The following HTT variants were observed in gnomAD, a reference collection of about 807,000 sequenced individuals.
HTT encodes huntingtin.
Under a neutral mutation model 362.3 loss-of-function variants are expected in HTT, and 104 were observed. The observed-to-expected ratio is 0.29, with a 90% CI of 0.24 to 0.34. HTT has a LOEUF of 0.34. Ranked by LOEUF, HTT falls within the 10% of genes least tolerant of loss-of-function variation. The pLI, the probability that HTT is intolerant of heterozygous loss-of-function variation, is 1.00. For synonymous variants in HTT, 1,577 were observed against 1,548.7 expected (o/e 1.02, Z -0.43); for missense variants, 3,301 against 3,928.6 (o/e 0.84, Z 4.27).
chr4:3,147,893 C>T (rs939491288), intron 25 of HTT, 112 bp from the exon 26 acceptor site: 1 of 768,168 alleles, frequency 1.3e-6, no homozygotes, highest in Non-Finnish European at 2.1e-6. Context: ...ATATCAGGCA[C>T]AGATGTCTGG....
chr4:3,215,294 G>T, intron 51 of HTT, 83 bp downstream of exon 51: 1 of 1,014,170 alleles, frequency 9.9e-7, no homozygotes. Flanking sequence ...ACCGCGGTGA[G>T]TGTGGACTCC....
chr4:3,176,436 C>T (rs1034333266), intron 33 of HTT, among the ~76,000 whole-genome samples: 1 of 152,158 alleles, frequency 6.6e-6, no homozygotes, highest in Non-Finnish European at 1.5e-5. Context: ...CTAAATGGGC[C>T]ATTGCTCTCC....
chr4:3,161,843 T>C (rs1323982225), intron 29 of HTT, among the ~76,000 whole-genome samples: 1 of 152,254 alleles, frequency 6.6e-6, no homozygotes, highest in Non-Finnish European at 1.5e-5. Context: ...GATGGGTAGA[T>C]TGCAAAAATT....
intron 18 of HTT, among the ~76,000 whole-genome samples, chr4:3,133,538 A>G (rs988548403): frequency 6.6e-6 from 1 of 151,610 alleles, no homozygotes; most frequent in African/African-American, 2.4e-5. Context: ...AAAAAAAAAA[A>G]AAAAACCACT....
chr4:3,125,636 C>G lies in HTT; in HGVS notation c.1402+7C>G. 1 of 1,600,846 alleles carries G rather than the reference C, an allele frequency of 6.2e-7. No homozygotes were observed. The highest frequency in any genetic ancestry group is 8.6e-7 in the Non-Finnish European group (1 of 1,167,948). On this transcript the variant is annotated splice_region_variant and intron_variant, in intron 11 of 66. Transcript: ENST00000355072. ...AGCAGCTCTGCCTTAACAGGTAGTT[C>G]TCACTAGTTAGCCGCTGGTGTGGAC... is the stretch of plus-strand genomic sequence containing the variant.
intron 33 of HTT, among the ~76,000 whole-genome samples, chr4:3,177,054 A>G (rs1718275231): frequency 6.6e-6 from 1 of 152,210 alleles, no homozygotes; most frequent in South Asian, 2.1e-4. Flanking sequence ...ATGAGTCCCC[A>G]AGGTGTAATT....
Position 3,212,582 on chromosome 4 carries a change from A to G in HTT, c.6647A>G (p.Gln2216Arg), listed in dbSNP as rs745503160. 6.2e-7 allele frequency: 1 copy of G among 1,614,248 alleles called. No homozygotes were observed. Among genetic ancestry groups the G allele is most frequent in the South Asian group, 1.1e-5 (1 of 91,090 alleles). Residue 2216 changes from glutamine to arginine, a missense_variant, in exon 49 of 67, where the codon CAG becomes CGG. Transcript: ENST00000355072. ...NDLFGDAALYQSLPTLARALA... is the reference protein window; with the variant it reads ...NDLFGDAALYRSLPTLARALA... ...GTTTCAGGGGATGCTGCACTGTATC[A>G]GTCCCTGCCCACTCTGGCCCGGGCC...
chr4:3,212,785 T>G, intron 49 of HTT, 76 bp downstream of exon 49: 2 of 1,507,880 alleles, frequency 1.3e-6, no homozygotes, highest in Admixed American at 3.5e-5. Flanking sequence ...GTAAAGCAGT[T>G]TTATTTGAAA....
chr4:3,238,663 C>T (rs1432643162), intron 65 of HTT, 54 bp downstream of exon 65: 1 of 1,535,752 alleles, frequency 6.5e-7, no homozygotes, highest in Non-Finnish European at 8.8e-7. Context: ...GGTGGAGTTG[C>T]CTCCGACTTC....
At position 3,240,183 on chromosome 4, in the gene HTT, G is replaced by T. The variant is rs542218918; in HGVS notation, c.*124G>T. 34 of 773,640 alleles carry T rather than the reference G, an allele frequency of 4.4e-5. No individual in the cohort carries two copies. In the East Asian group the frequency reaches 7.5e-4, roughly 17 times the overall value. 47.9% of individuals were successfully genotyped at this position (773,640 alleles called of 1,614,324 possible). On this transcript the variant is annotated 3_prime_UTR_variant, in exon 67 of 67. Transcript: ENST00000355072. ...ATGGGCTTCCGCACATGCCGCGGGCGGCCAGGCAACGTGCGTGTCTCTGCC... is the reference window on the plus strand; with the variant it reads ...ATGGGCTTCCGCACATGCCGCGGGCTGCCAGGCAACGTGCGTGTCTCTGCC...
At chr4:3,130,499 T>C in intron 14 of HTT, 76 bp downstream of exon 14, 1 of 739,498 alleles carries the variant, frequency 1.4e-6, no homozygotes, top group African/African-American at 1.8e-5. Context: ...GGCTACTGTC[T>C]ACTTTATTGC....
Position 3,229,898 on chromosome 4 carries a change from C to T in HTT, c.8121C>T (p.Val2707=). The part of the protein sequence containing the change: ...ISEVVRSLLV[V]SDLFTERNQF... ...TTCCACATCTCCAGCTTCTAGTGGTCTCAGACTTGTTCACCGAGCGCAACC... is the reference window on the plus strand; with the variant it reads ...TTCCACATCTCCAGCTTCTAGTGGTTTCAGACTTGTTCACCGAGCGCAACC... Residue 2707 remains valine (V), a synonymous_variant, in exon 60 of 67, where the codon GTC becomes GTT. Transcript: ENST00000355072. 1 of 1,614,202 alleles carries T rather than the reference C, an allele frequency of 6.2e-7. No homozygotes were observed. The highest frequency in any genetic ancestry group is 8.5e-7 in the Non-Finnish European group (1 of 1,180,020).
intron 60 of HTT, 145 bp from the exon 61 acceptor site, chr4:3,233,018 A>T (rs777263322): frequency 3.2e-6 from 2 of 616,682 alleles, no homozygotes; most frequent in Middle Eastern, 4.7e-4. Flanking sequence ...CCTTGCACAC[A>T]GGCCTCTCAG....
chr4:3,078,367 A>T (rs1225766010), intron 1 of HTT, among the ~76,000 whole-genome samples: 1 of 152,254 alleles, frequency 6.6e-6, no homozygotes, highest in South Asian at 2.1e-4. Flanking sequence ...AGCAAGATAG[A>T]TAAGTAAAAT....
chr4:3,216,905 G>C (rs967372999), intron 51 of HTT, among the ~76,000 whole-genome samples: 1 of 150,770 alleles, frequency 6.6e-6, no homozygotes, highest in Non-Finnish European at 1.5e-5. Context: ...GGCGCCTGTA[G>C]TCCCAGCTAC....
At chr4:3,227,877 G>A (rs1417562706) in intron 57 of HTT, among the ~76,000 whole-genome samples, 3 of 152,174 alleles carry the variant, frequency 2.0e-5, no homozygotes, top group South Asian at 2.1e-4. Context: ...GGACTGAGCC[G>A]CTACTTGCTT....
At chr4:3,093,105 C>T (rs1465226214) in intron 2 of HTT, among the ~76,000 whole-genome samples, 1 of 152,186 alleles carries the variant, frequency 6.6e-6, no homozygotes, top group African/African-American at 2.4e-5. Context: ...GCACCCTGCC[C>T]TCTCAGTACC....
At chr4:3,171,110 T>C (rs1717950592) in intron 29 of HTT, among the ~76,000 whole-genome samples, 1 of 152,232 alleles carries the variant, frequency 6.6e-6, no homozygotes. Flanking sequence ...TCAGTTAACA[T>C]GTATTGGGTA....
Position 3,188,995 on chromosome 4 carries a change from C to G in HTT, c.5270C>G (p.Thr1757Arg). Residue 1757 changes from threonine (T) to arginine (R), a missense_variant, in exon 40 of 67, where the codon ACA (threonine) becomes AGA (arginine). Thr to Arg is a moderately conservative substitution (Grantham distance 71). This residue lies in a region of HTT where 2,316 missense variants were observed against 2,658.5 expected (regional missense o/e 0.87). Coordinates refer to ENST00000355072, the MANE Select transcript of HTT (RefSeq NM_001388492.1). ...LVGILLEDIV[T>R]KQLKVEMSEQ... ...GGTATTCTTTTAGAAGACATTGTTA[C>G]AAAACAGCTGAAGGTGGAAATGAGT... The G allele has an allele frequency of 6.2e-7, 1 of 1,614,072 alleles. No homozygotes were observed. Among genetic ancestry groups the G allele is most frequent in the Non-Finnish European group, 8.5e-7 (1 of 1,179,952 alleles).
Sources: gnomAD v4.1 joint callset for allele counts (sites outside exome capture counted in the v4.1 genomes callset) on GRCh38, gnomAD v4.1.1 for gene constraint, gnomAD v4.1.1 regional missense constraint, MANE v1.5 for transcripts, NCBI Gene and HGNC (gene_info 2026-07-23, HGNC 2026-07-21) for gene names.